Variants in SPATS2 observed in about 807,000 individuals in gnomAD.
The protein encoded by SPATS2 is spermatogenesis-associated serine-rich protein 2.
A neutral mutation model predicts 63.7 loss-of-function variants in SPATS2; 38 were observed. That is an observed-to-expected ratio of 0.60 (90% CI 0.46 to 0.78). The LOEUF is 0.78. Ranked by LOEUF, SPATS2 falls within the 30% of genes least tolerant of loss-of-function variation. The probability of loss-of-function intolerance (pLI) is 0.00; values close to 1 mark genes in which losing one functional copy is unlikely to be tolerated. For synonymous variants in SPATS2, 207 were observed against 232.9 expected, an observed-to-expected ratio of 0.89 and a Z score of 1.01; for missense variants, 588 against 666.2, an observed-to-expected ratio of 0.88 and a Z score of 1.29.
chr12:49,493,174 G>C (rs957587878), intron 6 of SPATS2, among the ~76,000 whole-genome samples: 1 of 151,682 alleles, frequency 6.6e-6, no homozygotes, highest in Admixed American at 6.6e-5. Context: ...GTTCAATCAT[G>C]TTTCTGCTGG....
intron 3 of SPATS2, among the ~76,000 whole-genome samples, chr12:49,484,167 G>A (rs768963392): frequency 5.9e-5 from 9 of 152,188 alleles, no homozygotes; most frequent in Non-Finnish European, 1.2e-4. Flanking sequence ...TAACATGTAT[G>A]GTTCTGGCTA....
In SPATS2 at chr12:49,484,808, C is replaced by T. The variant is rs550005684; in HGVS notation, c.105+139C>T. The T allele has an allele frequency of 3.0e-4, 205 of 689,342 alleles. 2 individuals are homozygous for T. Among genetic ancestry groups the T allele is most frequent in the South Asian group, 2.5e-3 (118 of 47,234 alleles). The allele number at this position is 689,342 out of a possible 1,614,324, so 42.7% of individuals were successfully genotyped here. On this transcript the variant is annotated intron_variant, in intron 4 of 13. Transcript: ENST00000552918. Reference sequence around the variant, plus strand: ...AATGCCACTATATATCAGAGAGTGACGGCCATAAATAGGTTCTGATTGCGC... The same window carrying T: ...AATGCCACTATATATCAGAGAGTGATGGCCATAAATAGGTTCTGATTGCGC...
intron 10 of SPATS2, 76 bp downstream of exon 10, chr12:49,514,689 A>G (rs1251035819): frequency 3.8e-6 from 5 of 1,327,812 alleles, no homozygotes; most frequent in Non-Finnish European, 5.3e-6. Context: ...CTTATAACAA[A>G]AGTTCCATAT....
At chr12:49,386,075 G>T (rs1349562225) in intron 2 of SPATS2, among the ~76,000 whole-genome samples, 2 of 151,678 alleles carry the variant, frequency 1.3e-5, no homozygotes, top group African/African-American at 4.9e-5. Context: ...CACCATGTTG[G>T]CCAGGCTGGT....
intron 2 of SPATS2, among the ~76,000 whole-genome samples, chr12:49,374,519 A>G (rs910847490): frequency 2.6e-5 from 4 of 152,218 alleles, no homozygotes; most frequent in African/African-American, 7.2e-5. Flanking sequence ...GGCAGCCTAT[A>G]GGAATGGGTT....
intron 2 of SPATS2, among the ~76,000 whole-genome samples, chr12:49,451,232 C>A (rs1403127983): frequency 2.0e-5 from 3 of 151,654 alleles, no homozygotes; most frequent in African/African-American, 7.3e-5. Context: ...TCTTTTATTG[C>A]CTTATTTTGT....
intron 3 of SPATS2, among the ~76,000 whole-genome samples, chr12:49,467,154 T>C (rs537356746): frequency 2.0e-5 from 3 of 149,170 alleles, no homozygotes; most frequent in East Asian, 2.0e-4. Flanking sequence ...GTTCAGGAGA[T>C]TTCCCCTGCC....
At chr12:49,419,113 A>G (rs923606572) in intron 2 of SPATS2, among the ~76,000 whole-genome samples, 1 of 152,180 alleles carries the variant, frequency 6.6e-6, no homozygotes, top group Non-Finnish European at 1.5e-5. Flanking sequence ...TGGGGAGAAG[A>G]AAGAGTTAAC....
In SPATS2 at chr12:49,494,627, C is replaced by G. The variant is rs1481174316; in HGVS notation, c.265-114C>G. The G allele has an allele frequency of 3.9e-6, 4 of 1,036,622 alleles. No homozygotes were observed. The East Asian group carries it at 1.1e-4, about 28-fold the overall frequency. The allele number at this position is 1,036,622 out of a possible 1,614,324, so 64.2% of individuals were successfully genotyped here. On this transcript the variant is annotated intron_variant, in intron 6 of 13. Coordinates refer to ENST00000552918, the MANE Select transcript of SPATS2 (RefSeq NM_023071.4). Reference sequence around the variant, plus strand: ...TGAAAATATTAAATTTCTGAAAGAACATACAAGAAATTGGTAACATTGGTT... The same window carrying G: ...TGAAAATATTAAATTTCTGAAAGAAGATACAAGAAATTGGTAACATTGGTT...
intron 3 of SPATS2, among the ~76,000 whole-genome samples, chr12:49,478,957 A>G (rs991990405): frequency 2.6e-5 from 4 of 152,006 alleles, no homozygotes; most frequent in Non-Finnish European, 4.4e-5. Flanking sequence ...TCCTCTCTGT[A>G]GGCAGGTCGT....
At chr12:49,469,708 T>C (rs989200662) in intron 3 of SPATS2, 2 of 352,040 alleles carry the variant, frequency 5.7e-6, no homozygotes, top group Non-Finnish European at 1.1e-5. Context: ...CTGGCCAACA[T>C]GGTGAAACCC....
At chr12:49,494,532 TGTTTGA>T (rs1946433502) in intron 6 of SPATS2, among the ~76,000 whole-genome samples, 1 of 152,178 alleles carries the variant, frequency 6.6e-6, no homozygotes, top group African/African-American at 2.4e-5. Context: ...TATATTTATG[TGTTTGA>T]GTTTATCTAA....
At chr12:49,438,601 T>G (rs902991362) in intron 2 of SPATS2, among the ~76,000 whole-genome samples, 1 of 152,232 alleles carries the variant, frequency 6.6e-6, no homozygotes, top group Non-Finnish European at 1.5e-5. Context: ...TGGTATTGTC[T>G]ATTTTTAAAA....
At chr12:49,457,760 A>G (rs1945745586) in intron 2 of SPATS2, among the ~76,000 whole-genome samples, 1 of 152,130 alleles carries the variant, frequency 6.6e-6, no homozygotes. Context: ...ACCTGAGGAC[A>G]TGTGCTGTTG....
At chr12:49,521,778 G>A (rs1196690472) in intron 11 of SPATS2, among the ~76,000 whole-genome samples, 1 of 152,036 alleles carries the variant, frequency 6.6e-6, no homozygotes, top group East Asian at 1.9e-4. Flanking sequence ...GATATTACAT[G>A]TCTGAAGGCT....
chr12:49,455,277 A>T (rs1342802050), intron 2 of SPATS2, among the ~76,000 whole-genome samples: 2 of 152,098 alleles, frequency 1.3e-5, no homozygotes, highest in Non-Finnish European at 2.9e-5. Flanking sequence ...CATAATTTTT[A>T]ATTTCCACTG....
chr12:49,479,452 C>T (rs1026641587), intron 3 of SPATS2, among the ~76,000 whole-genome samples: 6 of 152,226 alleles, frequency 3.9e-5, no homozygotes, highest in African/African-American at 9.6e-5. Context: ...CCTGTGAGGG[C>T]AGGGAGGCCT....
chr12:49,369,997 TG>T (rs1943970633), intron 1 of SPATS2, among the ~76,000 whole-genome samples: 1 of 152,146 alleles, frequency 6.6e-6, no homozygotes, highest in Non-Finnish European at 1.5e-5. Flanking sequence ...GGGAAACAGC[TG>T]GGGCCTGAGG....
rs763104546 is a variant in SPATS2, at chr12:49,494,764, G to A, written c.288G>A (p.Pro96=). Residue 96 remains proline, a synonymous_variant, in exon 7 of 14, where the codon CCG becomes CCA. Transcript: ENST00000552918. ...AGAACAAAAAGAAGAAAAACAAACC[G>A]AAACCTGCCGCAGAACCAAGTAACG... ...KKKNKKKKNK[P]KPAAEPSNGI... 36 of 1,576,270 alleles carry A rather than the reference G, an allele frequency of 2.3e-5. No homozygotes were observed. In the South Asian group the frequency reaches 3.0e-4, roughly 13 times the overall value.
Sources: gnomAD v4.1 joint callset for allele counts (sites outside exome capture counted in the v4.1 genomes callset) on GRCh38, gnomAD v4.1.1 for gene constraint, MANE v1.5 for transcripts, NCBI Gene and HGNC (gene_info 2026-07-23, HGNC 2026-07-21) for gene names.